The following AGAP2 variants were observed in gnomAD, a reference collection of about 807,000 sequenced individuals.
AGAP2 encodes ArfGAP with GTPase domain, ankyrin repeat and PH domain 2, also known as arf-GAP with GTPase, ANK repeat and PH domain-containing protein 2.
In AGAP2, 32 loss-of-function variants were observed where a neutral mutation model predicts 110.9. That is an observed-to-expected ratio of 0.29 (90% CI 0.22 to 0.39). The LOEUF (loss-of-function observed/expected upper bound fraction) is 0.39, where lower values mean the gene tolerates loss of function less well. AGAP2 is among the 10% of genes least tolerant of loss of function. AGAP2 has a pLI of 1.00. For missense variants in AGAP2, 1,285 were observed against 1,638.5 expected, an observed-to-expected ratio of 0.78 and a Z score of 3.72; for synonymous variants, 702 against 713.0, an observed-to-expected ratio of 0.98 and a Z score of 0.25.
Position 57,727,462 on chromosome 12 carries a change from C to A in AGAP2, c.2978G>T (p.Arg993Leu). Reference sequence around the variant, plus strand: ...AGCCGTCAGCACCAGGGTCAGCTCCCGTGGCCAGTCGTCCAAGTCCAGCGA... The same window carrying A: ...AGCCGTCAGCACCAGGGTCAGCTCCAGTGGCCAGTCGTCCAAGTCCAGCGA... ...VRSLDLDDWP[R>L]ELTLVLTAIG... The change falls in exon 17 of 19, where the codon CGG (arginine) becomes CTG (leucine). Residue 993 changes from arginine (R) to leucine (L), a missense_variant. By Grantham distance (102) the Arg-to-Leu change is moderately radical. Coordinates refer to ENST00000547588, the MANE Select transcript of AGAP2 (RefSeq NM_001122772.3). 2.5e-6 allele frequency: 4 copies of A among 1,610,104 alleles called. No homozygotes were observed. The highest frequency in any genetic ancestry group is 3.4e-6 in the Non-Finnish European group (4 of 1,178,526).
chr12:57,733,178 G>T (rs922887632), intron 5 of AGAP2, among the ~76,000 whole-genome samples, 199 bp from the exon 6 acceptor site: 3 of 151,442 alleles, frequency 2.0e-5, no homozygotes, highest in African/African-American at 7.3e-5. Context: ...ACACCTAGCT[G>T]GGTGAGCTGT....
At position 57,738,155 on chromosome 12, in the gene AGAP2, G is replaced by A. The variant is rs1221343817; in HGVS notation, c.92C>T (p.Pro31Leu). The A allele has an allele frequency of 1.3e-6, 2 of 1,524,088 alleles. No individual in the cohort carries two copies. The highest frequency in any genetic ancestry group is 1.8e-6 in the Non-Finnish European group (2 of 1,140,956). The allele number at this position is 1,524,088 out of a possible 1,614,324, so 94.4% of individuals were successfully genotyped here. Residue 31 changes from proline (P) to leucine (L), a missense_variant, in exon 1 of 19, where the codon CCG (proline) becomes CTG (leucine). Transcript: ENST00000547588. The surrounding 1 kb of genome is among the most constrained non-coding windows in gnomAD (Gnocchi z 6.7). Reference protein sequence around the residue: ...LVKLESVPPPPPSPSAAAAGA... With the variant: ...LVKLESVPPPLPSPSAAAAGA... ...GGCCGCGGCCGCAGACGGAGAAGGC[G>A]GCGGCGGAGGCACCGACTCGAGCTT...
At chr12:57,734,275 G>C (rs1201001363) in intron 4 of AGAP2, 44 bp downstream of exon 4, 1 of 1,613,426 alleles carries the variant, frequency 6.2e-7, no homozygotes, top group African/African-American at 1.3e-5. Flanking sequence ...CCTTTGGCCA[G>C]TGCTGACCCC....
In AGAP2 at chr12:57,730,585, G is replaced by A; in HGVS notation, c.2338C>T (p.Pro780Ser). Residue 780 changes from proline (P) to serine (S), a missense_variant, in exon 12 of 19, where the codon CCC (proline) becomes TCC (serine). By Grantham distance (74) the Pro-to-Ser change is moderately conservative. Coordinates refer to ENST00000547588, the MANE Select transcript of AGAP2 (RefSeq NM_001122772.3). Reference sequence around the variant, plus strand: ...GGTGGCTGCAGGGAACTGGGGCTGGGGCTAGGGCTTGGCATGGGAGTAGTG... The same window carrying A: ...GGTGGCTGCAGGGAACTGGGGCTGGAGCTAGGGCTTGGCATGGGAGTAGTG... ...EATTPMPSPS[P>S]SPSSLQPPPD... 6.2e-7 allele frequency: 1 copy of A among 1,614,130 alleles called. No individual in the cohort carries two copies. The highest frequency in any genetic ancestry group is 8.5e-7 in the Non-Finnish European group (1 of 1,180,024).
intron 1 of AGAP2, among the ~76,000 whole-genome samples, 157 bp from the exon 2 acceptor site, chr12:57,735,584 A>G (rs1042660633): frequency 2.6e-5 from 4 of 152,004 alleles, no homozygotes; most frequent in Non-Finnish European, 4.4e-5. Context: ...GGTGGTCCCC[A>G]GGCCTCCCAT....
chr12:57,738,505 A>C lies in AGAP2; in HGVS notation c.-259T>G. 1.3e-5 allele frequency among the ~76,000 whole-genome samples: 2 copies of C among 150,688 alleles called. No individual in the cohort carries two copies. The highest frequency in any genetic ancestry group is 2.4e-5 in the African/African-American group (1 of 41,164). The stretch of plus-strand genomic sequence containing the variant: ...CCGGGACCTTGGTGCTGCTCCAGGG[A>C]GGCGCGCCGGACCGTCCACCCCGGC... On this transcript the variant is annotated 5_prime_UTR_variant, in exon 1 of 19. Transcript: ENST00000547588. This position sits in a 1 kb window ranked among gnomAD's most constrained non-coding sequence, Gnocchi z 6.7.
chr12:57,735,293 G>C (rs2140364095), intron 2 of AGAP2, 76 bp downstream of exon 2: 1 of 1,329,914 alleles, frequency 7.5e-7, no homozygotes, highest in East Asian at 2.3e-5. Context: ...GAGAAGGAGA[G>C]GTGAAGGGAG....
intron 1 of AGAP2, 144 bp downstream of exon 1, chr12:57,736,935 C>T (rs982721010): frequency 7.0e-7 from 1 of 1,421,472 alleles, no homozygotes; most frequent in Non-Finnish European, 9.2e-7. Context: ...TTCTTTGCCC[C>T]AATCCTTGAC....
chr12:57,742,024 G>C (rs1388861627), upstream of AGAP2: 23 of 1,614,114 alleles, frequency 1.4e-5, no homozygotes, highest in Non-Finnish European at 1.9e-5. Flanking sequence ...CATGTCGTCT[G>C]ACTTCTGCTC....
chr12:57,733,973 G>T, intron 5 of AGAP2, 53 bp downstream of exon 5: 1 of 1,515,964 alleles, frequency 6.6e-7, no homozygotes. Context: ...CAATATCCCA[G>T]TAGCCTCCTT....
rs780251758 is a variant in AGAP2 at position 57,731,936 on chromosome 12, G to A, written c.1826C>T (p.Ser609Phe). 11 of 1,613,676 alleles carry A rather than the reference G, an allele frequency of 6.8e-6. No homozygotes were observed. Among genetic ancestry groups the A allele is most frequent in the Non-Finnish European group, 9.3e-6 (11 of 1,179,990 alleles). The change falls in exon 8 of 19, where the codon TCT becomes TTT. Residue 609 changes from serine to phenylalanine, a missense_variant. Transcript: ENST00000547588. ...ASNGGHTSDY[S>F]SSLPSSPNVG... Reference sequence around the variant, plus strand: ...ATTCGGTGAGGACGGGAGGGAAGAAGAGTAGTCGCTAGTGTGGCCCCCGTT... The same window carrying A: ...ATTCGGTGAGGACGGGAGGGAAGAAAAGTAGTCGCTAGTGTGGCCCCCGTT...
intron 10 of AGAP2, 33 bp downstream of exon 10, chr12:57,731,333 G>T (rs377745134): frequency 7.7e-6 from 12 of 1,558,616 alleles, no homozygotes; most frequent in Non-Finnish European, 8.0e-6. Flanking sequence ...GAAATCCAAA[G>T]CTGGCCAATG....
At chr12:57,728,124 TTCAAGCAGGGGCTGCCTTTCCCA>T in intron 14 of AGAP2, 39 bp from the exon 15 acceptor site, 1 of 1,561,296 alleles carries the variant, frequency 6.4e-7, no homozygotes, top group South Asian at 1.2e-5. Context: ...AGGGACAGAG[TTCAAGCAGGGGCTGCCTTTCCCA>T]AGACCGTCCT....
chr12:57,729,089 T>C (rs1954832668), intron 13 of AGAP2, among the ~76,000 whole-genome samples: 1 of 140,714 alleles, frequency 7.1e-6, no homozygotes, highest in Non-Finnish European at 1.5e-5. Flanking sequence ...GGCAGGAGAA[T>C]GGTGTGAACC....
Position 57,728,217 on chromosome 12 carries a change from T to TG in AGAP2, c.2617+100dup, listed in dbSNP as rs570339289. 221 of 1,506,966 alleles carry TG rather than the reference T, an allele frequency of 1.5e-4. No individual in the cohort carries two copies. In the African/African-American group the frequency reaches 2.5e-3, roughly 17 times the overall value. The allele number at this position is 1,506,966 out of a possible 1,614,324, so 93.3% of individuals were successfully genotyped here. A position where few individuals can be genotyped will look rare whatever the true frequency, so the allele number is the denominator to read the frequency against. On this transcript the variant is annotated intron_variant, in intron 14 of 18. Transcript: ENST00000547588. Reference sequence around the variant, plus strand: ...CAGTGGGGGTAGGGAAAGCAGAGGGTGGGGGGCAGCAGGAAGCCCGAGCAC... The same window carrying TG: ...CAGTGGGGGTAGGGAAAGCAGAGGGTGGGGGGGCAGCAGGAAGCCCGAGCAC...
At chr12:57,740,651 G>T (rs1219906238), upstream of AGAP2, among the ~76,000 whole-genome samples, 1 of 152,096 alleles carries the variant, frequency 6.6e-6, no homozygotes, top group Non-Finnish European at 1.5e-5. Context: ...TGAGAGGGGT[G>T]GGGCTTAGAG....
chr12:57,731,606 C>T lies in AGAP2; in HGVS notation c.1990G>A (p.Asp664Asn). Residue 664 changes from aspartate to asparagine, a missense_variant, in exon 9 of 19, where the codon GAT (aspartate) becomes AAT (asparagine). By Grantham distance (23) the Asp-to-Asn change is conservative. Around this residue, in one of 7 missense-constraint regions of AGAP2, gnomAD observed 844 missense variants for 941.2 expected, o/e 0.90. Coordinates refer to ENST00000547588, the MANE Select transcript of AGAP2 (RefSeq NM_001122772.3). Reference sequence around the variant, plus strand: ...CTCCCTGTTGTCTCTCCCCGACTATCCAAGCTTCGTTTCTCGGAGTCACTA... The same window carrying T: ...CTCCCTGTTGTCTCTCCCCGACTATTCAAGCTTCGTTTCTCGGAGTCACTA... The part of the protein sequence containing the change: ...RGSDSEKRSL[D>N]SRGETTGSGR... 1 of 1,614,070 alleles carries T rather than the reference C, an allele frequency of 6.2e-7. No homozygotes were observed. Among genetic ancestry groups the T allele is most frequent in the Non-Finnish European group, 8.5e-7 (1 of 1,180,012 alleles).
Position 57,737,143 on chromosome 12 carries a change from G to A in AGAP2, c.1104C>T (p.Pro368=), listed in dbSNP as rs930711307. The A allele has an allele frequency of 6.4e-7, 1 of 1,569,220 alleles. No homozygotes were observed. Among genetic ancestry groups the A allele is most frequent in the Admixed American group, 1.9e-5 (1 of 52,880 alleles). Residue 368 remains proline (P), a synonymous_variant, in exon 1 of 19, where the codon CCC becomes CCT. Transcript: ENST00000547588. This position sits in a 1 kb window ranked among gnomAD's most constrained non-coding sequence, Gnocchi z 5.9. ...ACCCGCTGCCAGAAGACAGGCTGGG[G>A]GGTCCGGGAAGGGGCCCGGAGCCAG... The part of the protein sequence containing the change: ...GPPGSGPLPG[P]PSLSSGSGSR...
Position 57,727,397 on chromosome 12 carries a change from T to C in AGAP2, c.3043A>G (p.Thr1015Ala). 2 of 1,613,178 alleles carry C rather than the reference T, an allele frequency of 1.2e-6. No individual in the cohort carries two copies. The change falls in exon 17 of 19, where the codon ACG (threonine) becomes GCG (alanine). Residue 1015 changes from threonine (T) to alanine (A), a missense_variant. Thr to Ala is a moderately conservative substitution (Grantham distance 58). Coordinates refer to ENST00000547588, the MANE Select transcript of AGAP2 (RefSeq NM_001122772.3). ...CGCGAGGGCTTGGCACGGCCTCGCG[T>C]GTCGCTTTCCCACACGCGGTTGGCC... The part of the protein sequence containing the change: ...DTANRVWESD[T>A]RGRAKPSRDS...
Sources: gnomAD v4.1 joint callset for allele counts (sites outside exome capture counted in the v4.1 genomes callset) on GRCh38, gnomAD v4.1.1 for gene constraint, gnomAD v4.1.1 regional missense constraint, Gnocchi (gnomAD v3.1) non-coding constraint, MANE v1.5 for transcripts, NCBI Gene and HGNC (gene_info 2026-07-23, HGNC 2026-07-21) for gene names.